Variants in RNF128 observed in about 807,000 individuals in gnomAD.
RNF128 encodes the protein ring finger protein 128.
Under a neutral mutation model 26.2 loss-of-function variants are expected in RNF128, and 13 were observed. The ratio of observed to expected loss-of-function variants is 0.50; its 90% CI spans 0.32 to 0.79. RNF128 has a LOEUF of 0.79. Among genes scored for constraint, RNF128 ranks in the 30% least tolerant of loss-of-function variants. The pLI, the probability that RNF128 is intolerant of heterozygous loss-of-function variation, is 0.03. For missense variants in RNF128, 315 were observed against 349.7 expected, an observed-to-expected ratio of 0.90 and a Z score of 0.79; for synonymous variants, 149 against 142.5, an observed-to-expected ratio of 1.05 and a Z score of -0.32.
At chrX:106,752,625 T>C (rs908055115) in intron 1 of RNF128, among the ~76,000 whole-genome samples, 3 of 112,110 alleles carry the variant, frequency 2.7e-5, no homozygotes, top group African/African-American at 9.7e-5. Context: ...AATATTATAA[T>C]ACCTATCTCT....
At chrX:106,751,317 A>C (rs562127240) in intron 1 of RNF128, among the ~76,000 whole-genome samples, 143 of 111,007 alleles carry the variant, frequency 1.3e-3, no homozygotes, top group Middle Eastern at 9.3e-3. Context: ...ATCAGAACTC[A>C]GTGCTACCCT....
upstream of RNF128, among the ~76,000 whole-genome samples, chrX:106,722,691 C>T (rs374544912): frequency 2.5e-4 from 28 of 111,477 alleles, no homozygotes; most frequent in African/African-American, 8.5e-4. Flanking sequence ...CACACTTAAC[C>T]AAATTCACGA....
chrX:106,766,847 A>G (rs1930258375), intron 1 of RNF128, among the ~76,000 whole-genome samples: 1 of 111,615 alleles, frequency 9.0e-6, no homozygotes, highest in African/African-American at 3.3e-5. Context: ...TTATGGTTTT[A>G]GGTCTAATAT....
chrX:106,723,481 C>G (rs993072780), upstream of RNF128, among the ~76,000 whole-genome samples: 4 of 110,767 alleles, frequency 3.6e-5, no homozygotes, highest in Admixed American at 9.6e-5. Flanking sequence ...GCAGGAGAAT[C>G]GCTTAAACCT....
At chrX:106,723,817 C>T (rs1252668908), upstream of RNF128, among the ~76,000 whole-genome samples, 2 of 110,918 alleles carry the variant, frequency 1.8e-5, no homozygotes, top group Non-Finnish European at 3.8e-5. Context: ...CTCAGTCACA[C>T]TTGTCTTGCC....
intron 1 of RNF128, among the ~76,000 whole-genome samples, chrX:106,764,338 C>T (rs1278309325): frequency 1.8e-5 from 2 of 110,797 alleles, no homozygotes; most frequent in African/African-American, 6.6e-5. Flanking sequence ...GCCACCTACC[C>T]CATATGTTCT....
intron 1 of RNF128, among the ~76,000 whole-genome samples, chrX:106,737,896 CA>C (rs1342744710): frequency 1.8e-5 from 2 of 111,874 alleles, no homozygotes; most frequent in Non-Finnish European, 3.8e-5. Context: ...GTGAAATCAC[CA>C]ATTACCTCCC....
At chrX:106,730,457 T>C (rs1929481964) in intron 1 of RNF128, among the ~76,000 whole-genome samples, 1 of 112,262 alleles carries the variant, frequency 8.9e-6, no homozygotes, top group Non-Finnish European at 1.9e-5. Context: ...AAATTTCTTA[T>C]CTTAAAAATG....
At chrX:106,787,818 G>A (rs962734172) in intron 3 of RNF128, 100 bp from the exon 4 acceptor site, 8 of 499,519 alleles carry the variant, frequency 1.6e-5, no homozygotes, top group African/African-American at 2.5e-5. Context: ...TCCTTTTATA[G>A]GAATTTAGGC....
At chrX:106,781,156 C>T (rs957110110) in intron 2 of RNF128, among the ~76,000 whole-genome samples, 3 of 111,209 alleles carry the variant, frequency 2.7e-5, no homozygotes, top group Non-Finnish European at 5.7e-5. Flanking sequence ...GTGACTAAGG[C>T]CCAGTCCTCC....
At chrX:106,785,965 G>A (rs1368534413) in intron 3 of RNF128, among the ~76,000 whole-genome samples, 1 of 111,879 alleles carries the variant, frequency 8.9e-6, no homozygotes, top group Non-Finnish European at 1.9e-5. Context: ...TCATGGGTCA[G>A]AAGACTTGCT....
At chrX:106,725,621 T>TA (rs1302409901), upstream of RNF128, among the ~76,000 whole-genome samples, 2 of 112,667 alleles carry the variant, frequency 1.8e-5, no homozygotes, top group African/African-American at 6.4e-5. Flanking sequence ...ACCTGTTTAA[T>TA]AATTTTAACA....
At chrX:106,694,969 A>G (rs1264407679) in intron 1 of RNF128, among the ~76,000 whole-genome samples, 2 of 111,789 alleles carry the variant, frequency 1.8e-5, no homozygotes, top group African/African-American at 6.5e-5. Context: ...TGAAAAGTGT[A>G]TGGCAGAAAT....
At chrX:106,771,232 G>A (rs750467415) in intron 1 of RNF128, among the ~76,000 whole-genome samples, 1 of 112,589 alleles carries the variant, frequency 8.9e-6, no homozygotes, top group Non-Finnish European at 1.9e-5. Context: ...CAGTCTGTCC[G>A]TTCTCAGATC....
upstream of RNF128, among the ~76,000 whole-genome samples, chrX:106,725,149 G>C (rs1929372926): frequency 9.0e-6 from 1 of 111,651 alleles, no homozygotes; most frequent in Non-Finnish European, 1.9e-5. Flanking sequence ...ATTTCTCAGA[G>C]GTGGTTGGTC....
At chrX:106,746,308 G>T (rs1929795003) in intron 1 of RNF128, among the ~76,000 whole-genome samples, 1 of 110,518 alleles carries the variant, frequency 9.0e-6, no homozygotes, top group Admixed American at 9.7e-5. Context: ...TCAATGCCAA[G>T]GTGCTGTAAG....
intron 1 of RNF128, among the ~76,000 whole-genome samples, chrX:106,700,247 C>T (rs1928936858): frequency 9.1e-6 from 1 of 110,437 alleles, no homozygotes; most frequent in African/African-American, 3.3e-5. Context: ...TGATCTTGAA[C>T]TCCTAGTCTC....
At chrX:106,696,443 A>G (rs1294338181) in intron 1 of RNF128, among the ~76,000 whole-genome samples, 1 of 111,302 alleles carries the variant, frequency 9.0e-6, no homozygotes, top group Non-Finnish European at 1.9e-5. Context: ...CTAGATGACC[A>G]GACACTAGAT....
At chrX:106,777,170 A>C (rs1217756681) in intron 2 of RNF128, among the ~76,000 whole-genome samples, 4 of 111,773 alleles carry the variant, frequency 3.6e-5, no homozygotes, top group Non-Finnish European at 7.5e-5. Flanking sequence ...TATGGTAATC[A>C]AATATATTTG....
Sources: gnomAD v4.1 joint callset for allele counts (sites outside exome capture counted in the v4.1 genomes callset) on GRCh38, gnomAD v4.1.1 for gene constraint, MANE v1.5 for transcripts, NCBI Gene and HGNC (gene_info 2026-07-23, HGNC 2026-07-21) for gene names.